Variants in GPR63 observed in about 807,000 individuals in gnomAD.
The protein encoded by GPR63 is G protein-coupled receptor 63, also known as probable G protein-coupled receptor 63.
Under a neutral mutation model 23.1 loss-of-function variants are expected in GPR63, and 12 were observed. That is an observed-to-expected ratio of 0.52 (90% CI 0.33 to 0.84). The LOEUF (loss-of-function observed/expected upper bound fraction) is 0.84, where lower values mean the gene tolerates loss of function less well. GPR63 is among the 40% of genes least tolerant of loss of function. GPR63 has a pLI of 0.02. For synonymous variants in GPR63, 172 were observed against 191.1 expected, an observed-to-expected ratio of 0.90 and a Z score of 0.82; for missense variants, 472 against 515.6, an observed-to-expected ratio of 0.92 and a Z score of 0.82.
In GPR63 at chr6:96,794,465, A is replaced by C. The variant is rs1773531149; in HGVS notation, c.*4007T>G. On this transcript the variant is annotated 3_prime_UTR_variant, in exon 2 of 2. Transcript: ENST00000229955. ...TGTAGCCATTCTTTAAACTTAAACT[A>C]AAAATCATTGTAGAATAAAATGTCA... 1 of 152,186 alleles carries C rather than the reference A, an allele frequency of 6.6e-6. No individual in the cohort carries two copies. The highest frequency in any genetic ancestry group is 1.5e-5 in the Non-Finnish European group (1 of 68,014). 9.4% of individuals were successfully genotyped at this position (152,186 alleles called of 1,614,324 possible). A position where few individuals can be genotyped will look rare whatever the true frequency, so the allele number is the denominator to read the frequency against.
chr6:96,824,202 A>C (rs571911348), intron 1 of GPR63, among the ~76,000 whole-genome samples: 1 of 152,214 alleles, frequency 6.6e-6, no homozygotes, highest in Non-Finnish European at 1.5e-5. Flanking sequence ...AAAGAAAATA[A>C]ATAAAGACCA....
chr6:96,813,043 T>A (rs1267711230), intron 1 of GPR63, among the ~76,000 whole-genome samples: 1 of 152,146 alleles, frequency 6.6e-6, no homozygotes, highest in Non-Finnish European at 1.5e-5. Context: ...ATCATTCTAT[T>A]CTCTACCTCC....
In GPR63 at chr6:96,796,060, C is replaced by T. The variant is rs999125871; in HGVS notation, c.*2412G>A. The T allele has an allele frequency of 1.2e-4, 19 of 152,166 alleles. 1 individual carries two copies. Among genetic ancestry groups the T allele is most frequent in the Admixed American group, 1.1e-3 (17 of 15,272 alleles). The allele number at this position is 152,166 out of a possible 1,614,324, so 9.4% of individuals were successfully genotyped here. On this transcript the variant is annotated 3_prime_UTR_variant, in exon 2 of 2. Transcript: ENST00000229955. ...GAGCTCTTTAACTGGACAATGAGTT[C>T]CAACATCGGTGCAATTTCCTTAAGA...
At chr6:96,820,631 G>C (rs377102592) in intron 1 of GPR63, among the ~76,000 whole-genome samples, 4 of 151,868 alleles carry the variant, frequency 2.6e-5, no homozygotes, top group African/African-American at 9.7e-5. Flanking sequence ...AGCCAAAAAA[G>C]CATGCTTATT....
At chr6:96,810,086 T>C (rs1370109821) in intron 1 of GPR63, among the ~76,000 whole-genome samples, 1 of 152,232 alleles carries the variant, frequency 6.6e-6, no homozygotes, top group Non-Finnish European at 1.5e-5. Flanking sequence ...ATTTAAATAT[T>C]GTCTAGAATT....
intron 1 of GPR63, among the ~76,000 whole-genome samples, chr6:96,831,286 C>T (rs1774573494): frequency 6.6e-6 from 1 of 152,134 alleles, no homozygotes; most frequent in Non-Finnish European, 1.5e-5. Flanking sequence ...CTGGAGGTAA[C>T]ATTTATAGTT....
chr6:96,830,905 A>G (rs897253114), intron 1 of GPR63, among the ~76,000 whole-genome samples: 14 of 152,244 alleles, frequency 9.2e-5, no homozygotes, highest in Non-Finnish European at 1.9e-4. Flanking sequence ...TTCAAAAGGT[A>G]ATTTCTGGCT....
intron 1 of GPR63, among the ~76,000 whole-genome samples, chr6:96,835,400 G>A (rs1457702067): frequency 6.6e-6 from 1 of 151,746 alleles, no homozygotes; most frequent in Non-Finnish European, 1.5e-5. Context: ...TGTGTGATAT[G>A]GATATATACA....
intron 1 of GPR63, among the ~76,000 whole-genome samples, chr6:96,802,898 C>A (rs1773807650): frequency 6.6e-6 from 1 of 151,884 alleles, no homozygotes; most frequent in Admixed American, 6.6e-5. Flanking sequence ...CCTGTAGATG[C>A]CCAGAGAATC....
chr6:96,814,944 A>C (rs1013003959), intron 1 of GPR63, among the ~76,000 whole-genome samples: 8 of 152,242 alleles, frequency 5.3e-5, no homozygotes, highest in African/African-American at 1.9e-4. Context: ...CCTTAATCTC[A>C]GACACAATTT....
chr6:96,825,367 T>C (rs1774414851), intron 1 of GPR63, among the ~76,000 whole-genome samples: 1 of 151,964 alleles, frequency 6.6e-6, no homozygotes, highest in South Asian at 2.1e-4. Context: ...CAACATTCAG[T>C]GAAATGATCA....
chr6:96,824,587 C>T (rs1327615920), intron 1 of GPR63, among the ~76,000 whole-genome samples: 1 of 147,908 alleles, frequency 6.8e-6, no homozygotes, highest in East Asian at 2.0e-4. Context: ...CAAAAATACG[C>T]CTTAGCAAAA....
intron 1 of GPR63, among the ~76,000 whole-genome samples, chr6:96,801,649 T>C (rs530622348): frequency 6.6e-6 from 1 of 152,306 alleles, no homozygotes; most frequent in South Asian, 2.1e-4. Context: ...CAATCCCATC[T>C]TTTTTTGTCC....
intron 1 of GPR63, among the ~76,000 whole-genome samples, chr6:96,818,851 T>C (rs995726599): frequency 2.0e-5 from 3 of 151,670 alleles, no homozygotes; most frequent in African/African-American, 4.8e-5. Flanking sequence ...AATCAAAAAG[T>C]GGGTAAAGGA....
At chr6:96,803,336 ACT>A (rs1458476884) in intron 1 of GPR63, among the ~76,000 whole-genome samples, 7 of 152,220 alleles carry the variant, frequency 4.6e-5, no homozygotes, top group African/African-American at 1.7e-4. Flanking sequence ...AAGCCTACCC[ACT>A]GTCAAACCAG....
chr6:96,830,883 T>C (rs1187115666), intron 1 of GPR63, among the ~76,000 whole-genome samples: 3 of 152,212 alleles, frequency 2.0e-5, no homozygotes, highest in South Asian at 2.1e-4. Context: ...GCCAGAGTGA[T>C]ACTCAACTGA....
intron 1 of GPR63, among the ~76,000 whole-genome samples, chr6:96,813,528 CT>C (rs1562119595): frequency 6.6e-6 from 1 of 152,152 alleles, no homozygotes; most frequent in East Asian, 1.9e-4. Context: ...TGCAAAGATA[CT>C]TGATATGCTT....
At chr6:96,832,488 G>A (rs1281435240) in intron 1 of GPR63, among the ~76,000 whole-genome samples, 1 of 150,574 alleles carries the variant, frequency 6.6e-6, no homozygotes. Context: ...TCCCAGGCTG[G>A]TCTCCAATTC....
chr6:96,811,887 A>C (rs1293489259), intron 1 of GPR63, among the ~76,000 whole-genome samples: 3 of 145,746 alleles, frequency 2.1e-5, no homozygotes, highest in Non-Finnish European at 4.6e-5. Context: ...TAAATAAATA[A>C]ATAAAATAAA....
Sources: gnomAD v4.1 joint callset for allele counts (sites outside exome capture counted in the v4.1 genomes callset) on GRCh38, gnomAD v4.1.1 for gene constraint, MANE v1.5 for transcripts, NCBI Gene and HGNC (gene_info 2026-07-23, HGNC 2026-07-21) for gene names.